MAP4K5: variants seen among roughly 807,000 people sequenced by gnomAD.
The protein encoded by MAP4K5 is mitogen-activated protein kinase kinase kinase kinase 5.
A neutral mutation model predicts 135.6 loss-of-function variants in MAP4K5; 82 were observed. The ratio of observed to expected loss-of-function variants is 0.60; its 90% confidence interval spans 0.51 to 0.73. The LOEUF is 0.73. Among genes scored for constraint, MAP4K5 ranks in the 30% least tolerant of loss-of-function variants. The pLI is 0.00. For missense variants in MAP4K5, 907 were observed against 1,010.9 expected (o/e 0.90, Z 1.39); for synonymous variants, 347 against 335.0 (o/e 1.04, Z -0.39).
At chr14:50,507,159 G>C (rs2037827835) in intron 2 of MAP4K5, among the ~76,000 whole-genome samples, 2 of 152,142 alleles carry the variant, frequency 1.3e-5, no homozygotes, top group Admixed American at 6.5e-5. Context: ...CAGTTTGCAG[G>C]AACTTTCATA....
upstream of MAP4K5, chr14:50,533,208 C>T (rs2038443854): frequency 6.6e-6 from 1 of 152,244 alleles, no homozygotes; most frequent in Non-Finnish European, 1.5e-5. Context: ...CGCAGTGTCT[C>T]ATCGCTGGTA....
chr14:50,531,813 C>G, intron 2 of MAP4K5, 129 bp downstream of exon 2: 2 of 744,434 alleles, frequency 2.7e-6, no homozygotes, highest in East Asian at 5.4e-5. Context: ...TAAAAGGGAC[C>G]CCGGCCGCTT....
At chr14:50,490,251 G>GTTCT (rs2139953261) in intron 3 of MAP4K5, among the ~76,000 whole-genome samples, 1 of 151,818 alleles carries the variant, frequency 6.6e-6, no homozygotes, top group East Asian at 1.9e-4. Context: ...AGGGATGGTA[G>GTTCT]TTCTGTATCT....
intron 2 of MAP4K5, among the ~76,000 whole-genome samples, chr14:50,522,572 C>A (rs1425350450): frequency 6.6e-6 from 1 of 152,060 alleles, no homozygotes; most frequent in Non-Finnish European, 1.5e-5. Context: ...TGACCTTATA[C>A]AACATTTAAC....
chr14:50,433,101 T>C (rs2036011096), intron 28 of MAP4K5, among the ~76,000 whole-genome samples: 1 of 152,246 alleles, frequency 6.6e-6, no homozygotes, highest in Non-Finnish European at 1.5e-5. Context: ...CCTCCCAAAG[T>C]GCTGGGATTA....
chr14:50,446,865 T>C (rs1355121162), intron 16 of MAP4K5, among the ~76,000 whole-genome samples: 2 of 152,212 alleles, frequency 1.3e-5, no homozygotes, highest in Non-Finnish European at 2.9e-5. Flanking sequence ...ACACTGAAAT[T>C]TGAATTTCAT....
At chr14:50,495,431 G>T (rs75509909) in intron 3 of MAP4K5, among the ~76,000 whole-genome samples, 11 of 152,186 alleles carry the variant, frequency 7.2e-5, no homozygotes, top group African/African-American at 2.4e-4. Context: ...ACTGGTTAGA[G>T]GTGATGTGGA....
At chr14:50,477,017 T>C (rs937365586) in intron 6 of MAP4K5, among the ~76,000 whole-genome samples, 4 of 152,188 alleles carry the variant, frequency 2.6e-5, no homozygotes, top group African/African-American at 9.6e-5. Flanking sequence ...ACTTCTTTAA[T>C]AAAAAGCCTC....
At chr14:50,422,853 T>G (rs903166330) in intron 32 of MAP4K5, among the ~76,000 whole-genome samples, 1 of 152,152 alleles carries the variant, frequency 6.6e-6, no homozygotes, top group African/African-American at 2.4e-5. Context: ...ATAGCTCTCA[T>G]AGTACTAGGG....
intron 18 of MAP4K5, among the ~76,000 whole-genome samples, 183 bp from the exon 19 acceptor site, chr14:50,444,219 T>C (rs2036292629): frequency 6.6e-6 from 1 of 152,176 alleles, no homozygotes. Context: ...TAGCATTGCA[T>C]CTTTAGCAGT....
intron 3 of MAP4K5, among the ~76,000 whole-genome samples, chr14:50,497,824 C>T (rs923581466): frequency 2.0e-5 from 3 of 151,790 alleles, no homozygotes; most frequent in African/African-American, 7.3e-5. Context: ...TCCGATTTAC[C>T]GTTTTAAAAG....
At position 50,511,407 on chromosome 14, in the gene MAP4K5, G is replaced by T. The variant is rs543501090; in HGVS notation, c.109-6550C>A. 1.1e-3 allele frequency among the ~76,000 whole-genome samples: 170 copies of T among 152,144 alleles called. 2 individuals carry two copies. The highest frequency in any genetic ancestry group is 4.0e-3 in the African/African-American group (165 of 41,524). On this transcript the variant is annotated intron_variant, in intron 2 of 32. Coordinates refer to ENST00000682126, the MANE Select transcript of MAP4K5 (RefSeq NM_006575.6). ...ACAGAGAATACTAGAGGCTGAGAAG[G>T]GTAGGGGGAAGGGAGGAATAGGGAG... is the stretch of plus-strand genomic sequence containing the variant.
In MAP4K5 at chr14:50,532,050, C is replaced by G; in HGVS notation, c.-1G>C. ...CGGCAGGCCGCAGCGGGGCCTCCAT[C>G]TTCACTTAGGGCCCGGCCCCCGCCA... On this transcript the variant is annotated 5_prime_UTR_variant, in exon 2 of 33. Transcript: ENST00000682126. 1 of 1,554,016 alleles carries G rather than the reference C, an allele frequency of 6.4e-7. No homozygotes were observed. Among genetic ancestry groups the G allele is most frequent in the Non-Finnish European group, 8.7e-7 (1 of 1,145,050 alleles).
At chr14:50,523,926 C>T (rs1038276887) in intron 2 of MAP4K5, among the ~76,000 whole-genome samples, 4 of 152,184 alleles carry the variant, frequency 2.6e-5, no homozygotes, top group African/African-American at 7.2e-5. Flanking sequence ...TAACCATGCT[C>T]GCAGTGGAAC....
At chr14:50,462,550 T>C (rs1176993786) in intron 13 of MAP4K5, 115 bp downstream of exon 13, 4 of 697,750 alleles carry the variant, frequency 5.7e-6, no homozygotes, top group Non-Finnish European at 1.0e-5. Context: ...TCTCTGTAGC[T>C]AAACCTGTTT....
chr14:50,460,928 A>C (rs1317222924), intron 13 of MAP4K5, among the ~76,000 whole-genome samples: 1 of 152,198 alleles, frequency 6.6e-6, no homozygotes, highest in Non-Finnish European at 1.5e-5. Flanking sequence ...AAAACAGTAT[A>C]AAGGACTGTT....
chr14:50,549,268 C>G (rs941339298), intron 1 of MAP4K5, among the ~76,000 whole-genome samples: 1 of 152,166 alleles, frequency 6.6e-6, no homozygotes, highest in African/African-American at 2.4e-5. Context: ...GATACTGACA[C>G]CATATAACCA....
At chr14:50,538,103 G>C (rs2038516871) in intron 2 of MAP4K5, among the ~76,000 whole-genome samples, 1 of 152,182 alleles carries the variant, frequency 6.6e-6, no homozygotes, top group Admixed American at 6.5e-5. Flanking sequence ...GACCTGGTGG[G>C]AGGTAATTGA....
chr14:50,433,828 CCCACTTCACATATTATGCAG>C (rs1190536448), intron 28 of MAP4K5, among the ~76,000 whole-genome samples: 1 of 152,164 alleles, frequency 6.6e-6, no homozygotes, highest in African/African-American at 2.4e-5. Context: ...CCCCACCTCA[CCCACTTCACATATTATGCAG>C]ATTTAAAAAA....
Sources: gnomAD v4.1 joint callset for allele counts (sites outside exome capture counted in the v4.1 genomes callset) on GRCh38, gnomAD v4.1.1 for gene constraint, MANE v1.5 for transcripts, NCBI Gene and HGNC (gene_info 2026-07-23, HGNC 2026-07-21) for gene names.